CASZ1: variants seen among roughly 807,000 people sequenced by gnomAD.
CASZ1 encodes castor zinc finger 1.
In CASZ1, 28 loss-of-function variants were observed where a neutral mutation model predicts 135.2. That is an observed-to-expected ratio of 0.21 (90% CI 0.15 to 0.28). The LOEUF (loss-of-function observed/expected upper bound fraction) is 0.28. Ranked by LOEUF, CASZ1 falls within the 10% of genes least tolerant of loss-of-function variation. The pLI is 1.00. For missense variants in CASZ1, 2,161 were observed against 2,453.3 expected, an observed-to-expected ratio of 0.88 and a Z score of 2.52; for synonymous variants, 1,068 against 1,073.4, an observed-to-expected ratio of 0.99 and a Z score of 0.10.
rs534222885 is a variant in CASZ1, at chr1:10,726,574, C to G, written c.-76-21030G>C. ...ATGCCAATCCGGCCAGAGGAAACACCGGGCACGGGGAATGGAGCCCTCGCC... is the reference window on the plus strand; with the variant it reads ...ATGCCAATCCGGCCAGAGGAAACACGGGGCACGGGGAATGGAGCCCTCGCC... On this transcript the variant is annotated intron_variant, in intron 2 of 20. Transcript: ENST00000377022. The surrounding 1 kb of genome is among the most constrained non-coding windows in gnomAD (Gnocchi z 5.7). 6.6e-6 allele frequency among the ~76,000 whole-genome samples: 1 copy of G among 152,240 alleles called. No individual in the cohort carries two copies. The highest frequency in any genetic ancestry group is 2.4e-5 in the African/African-American group (1 of 41,468).
Position 10,709,225 on chromosome 1 carries a change from C to T in CASZ1, c.-76-3681G>A, listed in dbSNP as rs1039251361. On this transcript the variant is annotated intron_variant, in intron 2 of 20. Transcript: ENST00000377022. This position sits in a 1 kb window ranked among gnomAD's most constrained non-coding sequence, Gnocchi z 5.1. ...CAGCACTCCTACCTGCTCCCCAGGC[C>T]TCCCGGGGCCATGGGGGCTCGGGGC... 6.6e-5 allele frequency among the ~76,000 whole-genome samples: 10 copies of T among 152,140 alleles called. No homozygotes were observed. The highest frequency in any genetic ancestry group is 2.4e-4 in the African/African-American group (10 of 41,440).
intron 2 of CASZ1, among the ~76,000 whole-genome samples, chr1:10,754,744 C>T (rs1157124688): frequency 1.3e-5 from 2 of 152,186 alleles, no homozygotes; most frequent in African/African-American, 2.4e-5. Context: ...AGCTGCTGCC[C>T]GGGCCCAGCT....
At chr1:10,674,684 C>T (rs137907087) in intron 4 of CASZ1, among the ~76,000 whole-genome samples, 90 of 152,354 alleles carry the variant, frequency 5.9e-4, no homozygotes, top group African/African-American at 1.9e-3. Context: ...GTCCCCTCCT[C>T]GGAGCCGGGA....
intron 2 of CASZ1, among the ~76,000 whole-genome samples, chr1:10,752,496 G>A (rs1451058141): frequency 6.6e-6 from 1 of 152,138 alleles, no homozygotes; most frequent in East Asian, 1.9e-4. Flanking sequence ...ATACAGGTTG[G>A]GAGACTCCAG....
rs529625685 is a variant in CASZ1, at chr1:10,669,006, C to T, written c.17-3435G>A. Among the ~76,000 whole-genome samples the T allele has an allele frequency of 2.2e-4, 34 of 152,296 alleles. No individual in the cohort carries two copies. The East Asian group carries it at 4.8e-3, about 22-fold the overall frequency. On this transcript the variant is annotated intron_variant, in intron 4 of 20. Transcript: ENST00000377022. Reference sequence around the variant, plus strand: ...CAGCCCCTCCTCGGATTCCTAGGTTCGGGACCTTCCCTCTCAGGGCGCCAC... The same window carrying T: ...CAGCCCCTCCTCGGATTCCTAGGTTTGGGACCTTCCCTCTCAGGGCGCCAC...
chr1:10,644,981 C>T lies in CASZ1; in HGVS notation c.3804G>A (p.Lys1268=), dbSNP rs776839311. 3.1e-6 allele frequency: 5 copies of T among 1,614,050 alleles called. No individual in the cohort carries two copies. The South Asian group carries it at 5.5e-5, about 18-fold the overall frequency. Residue 1268 remains lysine, a synonymous_variant, in exon 18 of 21, where the codon AAG becomes AAA. Coordinates refer to ENST00000377022, the MANE Select transcript of CASZ1 (RefSeq NM_001079843.3). ...KLPWHIKKHE[K]AERRAANGFK... is the part of the protein sequence containing the mutation. ...AGCCATTGGCTGCCCGCCGCTCCGC[C>T]TTCTCATGCTTCTTGATGTGCCAGG...
chr1:10,657,078 C>T lies in CASZ1; in HGVS notation c.1410-342G>A, dbSNP rs961041934. Among the ~76,000 whole-genome samples the T allele has an allele frequency of 3.3e-5, 5 of 152,240 alleles. No individual in the cohort carries two copies. Among genetic ancestry groups the T allele is most frequent in the Admixed American group, 1.3e-4 (2 of 15,292 alleles). On this transcript the variant is annotated intron_variant, in intron 7 of 20. Coordinates refer to ENST00000377022, the MANE Select transcript of CASZ1 (RefSeq NM_001079843.3). The surrounding 1 kb of genome is among the most constrained non-coding windows in gnomAD (Gnocchi z 5.7). ...GGGGCTACCTGCCCCACTCCCAGCCCGCCCAGTTCTGGCCAGGTGCAGAGA... is the reference window on the plus strand; with the variant it reads ...GGGGCTACCTGCCCCACTCCCAGCCTGCCCAGTTCTGGCCAGGTGCAGAGA...
rs114847897 is a variant in CASZ1, at chr1:10,767,579, C to T, written c.-233-6722G>A. Among the ~76,000 whole-genome samples the T allele has an allele frequency of 4.3e-3, 658 of 152,314 alleles. 7 individuals are homozygous for T. Among genetic ancestry groups the T allele is most frequent in the African/African-American group, 0.015 (643 of 41,568 alleles). On this transcript the variant is annotated intron_variant, in intron 1 of 20. Transcript: ENST00000377022. The surrounding 1 kb of genome is among the most constrained non-coding windows in gnomAD (Gnocchi z 4.2). ...GTTTGGTCCACACCTGCTCGGAGAC[C>T]AGGCTTGGTGGCTCAGCCCTTTCTG... is the stretch of plus-strand genomic sequence containing the variant.
Position 10,671,422 on chromosome 1 carries a change from C to G in CASZ1, c.17-5851G>C, listed in dbSNP as rs139556419. Reference sequence around the variant, plus strand: ...AGAGTGCTGCGTGTGGTCGTGGTAACAGAACACAAACATGGCTCCTGCAGC... The same window carrying G: ...AGAGTGCTGCGTGTGGTCGTGGTAAGAGAACACAAACATGGCTCCTGCAGC... On this transcript the variant is annotated intron_variant, in intron 4 of 20. Coordinates refer to ENST00000377022, the MANE Select transcript of CASZ1 (RefSeq NM_001079843.3). Among the ~76,000 whole-genome samples the G allele has an allele frequency of 5.7e-3, 875 of 152,290 alleles. 12 individuals are homozygous for G. Among genetic ancestry groups the G allele is most frequent in the African/African-American group, 0.02 (828 of 41,554 alleles).
At position 10,738,823 on chromosome 1, in the gene CASZ1, C is replaced by T. The variant is rs577691335; in HGVS notation, c.-77+21878G>A. ...TGATCTATATGCAAATATGCTAATG[C>T]ATGCAAATTAAGACACCACTTTTAG... On this transcript the variant is annotated intron_variant, in intron 2 of 20. Coordinates refer to ENST00000377022, the MANE Select transcript of CASZ1 (RefSeq NM_001079843.3). Among the ~76,000 whole-genome samples, 14 of 150,612 alleles carry T rather than the reference C, an allele frequency of 9.3e-5. 1 individual carries two copies. The highest frequency in any genetic ancestry group is 1.5e-4 in the African/African-American group (6 of 40,944).
intron 1 of CASZ1, among the ~76,000 whole-genome samples, chr1:10,773,683 C>G (rs986521050): frequency 6.6e-6 from 1 of 152,068 alleles, no homozygotes; most frequent in Non-Finnish European, 1.5e-5. Context: ...CCAAGCAGGA[C>G]AAGGCAGCAG....
At chr1:10,668,235 T>C (rs565575192) in intron 4 of CASZ1, among the ~76,000 whole-genome samples, 8 of 152,182 alleles carry the variant, frequency 5.3e-5, no homozygotes, top group Admixed American at 2.0e-4. Flanking sequence ...CTGGGATCCA[T>C]AGACGATCCG....
intron 1 of CASZ1, among the ~76,000 whole-genome samples, chr1:10,761,969 C>A (rs752010506): frequency 1.3e-5 from 2 of 152,188 alleles, no homozygotes; most frequent in Non-Finnish European, 2.9e-5. Flanking sequence ...AGCAGCTCTG[C>A]GTTCCTGAAG....
intron 2 of CASZ1, among the ~76,000 whole-genome samples, chr1:10,738,233 G>A (rs1435337787): frequency 6.6e-6 from 1 of 152,204 alleles, no homozygotes; most frequent in African/African-American, 2.4e-5. Context: ...CTTTGAACCA[G>A]AGACCCAAGG....
rs76910492 is a variant in CASZ1, at chr1:10,665,530, C to A, written c.58G>T (p.Ala20Ser). The A allele has an allele frequency of 7.2e-4, 1,145 of 1,593,644 alleles. 6 individuals are homozygous for A. In the African/African-American group the frequency reaches 0.013, roughly 18 times the overall value. ...RCTDPPAGKPAMAPKRKGGLK... is the reference protein window; with the variant it reads ...RCTDPPAGKPSMAPKRKGGLK... ...CCACCCTTGCGTTTGGGCGCCATGG[C>A]GGGCTTGCCTGCAGGCGGGTCCGTG... is the stretch of plus-strand genomic sequence containing the variant. The change falls in exon 5 of 21, where the codon GCC (alanine) becomes TCC (serine). Residue 20 changes from alanine (A) to serine (S), a missense_variant. By Grantham distance (99) the Ala-to-Ser change is moderately conservative. Coordinates refer to ENST00000377022, the MANE Select transcript of CASZ1 (RefSeq NM_001079843.3).
In CASZ1 at chr1:10,646,112, G is replaced by A. The variant is rs1258748100; in HGVS notation, c.3696+16C>T. Reference sequence around the variant, plus strand: ...GCCCCCTACTCTGCCCCTGCGCCGTGTACCGCCATGCTGACCTGGTTGGGA... The same window carrying A: ...GCCCCCTACTCTGCCCCTGCGCCGTATACCGCCATGCTGACCTGGTTGGGA... On this transcript the variant is annotated intron_variant, in intron 17 of 20. Transcript: ENST00000377022. This position sits in a 1 kb window ranked among gnomAD's most constrained non-coding sequence, Gnocchi z 6.4. 6.2e-7 allele frequency: 1 copy of A among 1,613,326 alleles called. No homozygotes were observed. The highest frequency in any genetic ancestry group is 1.7e-5 in the Admixed American group (1 of 60,010).
intron 4 of CASZ1, among the ~76,000 whole-genome samples, chr1:10,690,023 G>A (rs1176295515): frequency 2.6e-5 from 4 of 152,174 alleles, no homozygotes; most frequent in South Asian, 4.1e-4. Context: ...TGGCAAAACC[G>A]GTGCCCAACC....
chr1:10,726,185 C>A lies in CASZ1; in HGVS notation c.-76-20641G>T, dbSNP rs983007235. Among the ~76,000 whole-genome samples the A allele has an allele frequency of 7.9e-5, 12 of 152,094 alleles. 1 individual carries two copies. The highest frequency in any genetic ancestry group is 2.9e-4 in the African/African-American group (12 of 41,396). On this transcript the variant is annotated intron_variant, in intron 2 of 20. Coordinates refer to ENST00000377022, the MANE Select transcript of CASZ1 (RefSeq NM_001079843.3). This position sits in a 1 kb window ranked among gnomAD's most constrained non-coding sequence, Gnocchi z 5.7. Reference sequence around the variant, plus strand: ...TTGTTAGTGTTTATGGAGGGCTGACCGCGTCCCAGGCAGAGTGAAGTCGGT... The same window carrying A: ...TTGTTAGTGTTTATGGAGGGCTGACAGCGTCCCAGGCAGAGTGAAGTCGGT...
rs1022679074 is a variant in CASZ1 at position 10,678,997 on chromosome 1, C to T, written c.17-13426G>A. 4.6e-5 allele frequency among the ~76,000 whole-genome samples: 7 copies of T among 152,288 alleles called. No homozygotes were observed. The East Asian group carries it at 7.7e-4, about 17-fold the overall frequency. On this transcript the variant is annotated intron_variant, in intron 4 of 20. Transcript: ENST00000377022. The stretch of plus-strand genomic sequence containing the variant: ...CAGGACAGACGCCCGTCTGCCCGCC[C>T]GCTGTGAGCCAGCCCACCCCTGGCT...
Sources: allele counts gnomAD v4.1 joint callset (sites outside exome capture counted in the v4.1 genomes callset), GRCh38; gene constraint gnomAD v4.1.1; non-coding constraint Gnocchi (gnomAD v3.1); transcripts MANE v1.5; gene names NCBI Gene and HGNC (gene_info 2026-07-23, HGNC 2026-07-21).